PID1: variants seen among roughly 807,000 people sequenced by gnomAD.
PID1 encodes PTB-containing, cubilin and LRP1-interacting protein.
In PID1, 10 loss-of-function variants were observed where a neutral mutation model predicts 19.1. That is an observed-to-expected ratio of 0.52 (90% confidence interval 0.32 to 0.89). The LOEUF is 0.89. PID1 is among the 40% of genes least tolerant of loss of function. The pLI is 0.03. For missense variants in PID1, 248 were observed against 285.3 expected, an observed-to-expected ratio of 0.87 and a Z score of 0.94; for synonymous variants, 130 against 116.0, an observed-to-expected ratio of 1.12 and a Z score of -0.78.
chr2:229,266,052 T>C (rs1574770517), intron 1 of PID1, among the ~76,000 whole-genome samples: 1 of 152,214 alleles, frequency 6.6e-6, no homozygotes, highest in Non-Finnish European at 1.5e-5. Context: ...TAGCATTTTA[T>C]TCCTGAGGGA....
chr2:229,057,538 T>C (rs31278), intron 2 of PID1, among the ~76,000 whole-genome samples: 127,719 of 151,800 alleles, frequency 0.84, 55,200 homozygotes, highest in East Asian at 0.96. Flanking sequence ...AATAAAGATA[T>C]GCACTGCAAA....
At chr2:229,227,846 C>T (rs556198403) in intron 1 of PID1, 14 of 346,248 alleles carry the variant, frequency 4.0e-5, no homozygotes, top group South Asian at 7.0e-5. Flanking sequence ...AGGGTAACAA[C>T]GATTTATATA....
intron 1 of PID1, among the ~76,000 whole-genome samples, chr2:229,205,014 T>C (rs1691579398): frequency 1.3e-5 from 2 of 152,152 alleles, no homozygotes; most frequent in Non-Finnish European, 1.5e-5. Flanking sequence ...ACTTAGCTAA[T>C]TCTATCCCAA....
At chr2:229,270,970 ACCT>A (rs1249215089) in intron 1 of PID1, 41 bp downstream of exon 1, 1 of 1,482,086 alleles carries the variant, frequency 6.7e-7, no homozygotes, top group Non-Finnish European at 9.0e-7. Flanking sequence ...CTGCCCGGGC[ACCT>A]CCTCCTCCAG....
At chr2:229,059,664 A>G (rs535209833) in intron 2 of PID1, among the ~76,000 whole-genome samples, 13 of 152,210 alleles carry the variant, frequency 8.5e-5, no homozygotes, top group Non-Finnish European at 1.9e-4. Flanking sequence ...TCAGCTAGCA[A>G]GTTTACTGTG....
At chr2:229,250,262 T>C (rs751587304) in intron 1 of PID1, among the ~76,000 whole-genome samples, 5 of 152,242 alleles carry the variant, frequency 3.3e-5, no homozygotes, top group African/African-American at 4.8e-5. Context: ...AATTCCCAAC[T>C]TCTGAGTACT....
chr2:229,238,300 CA>C (rs1023170810), intron 1 of PID1, among the ~76,000 whole-genome samples: 15 of 152,186 alleles, frequency 9.9e-5, no homozygotes, highest in Non-Finnish European at 1.9e-4. Context: ...GAATTGCTCT[CA>C]AAATCATCCA....
At chr2:229,119,245 C>A (rs1244875993) in intron 2 of PID1, among the ~76,000 whole-genome samples, 2 of 152,162 alleles carry the variant, frequency 1.3e-5, no homozygotes, top group Non-Finnish European at 2.9e-5. Flanking sequence ...TTTATTAATA[C>A]CCTGTATTCT....
chr2:229,181,141 C>T (rs1690937683), intron 1 of PID1, among the ~76,000 whole-genome samples: 2 of 152,216 alleles, frequency 1.3e-5, no homozygotes, highest in South Asian at 4.1e-4. Context: ...CCTTCACCCT[C>T]CAGCTAATTC....
chr2:229,250,310 T>A (rs1690116099), intron 1 of PID1, among the ~76,000 whole-genome samples: 1 of 152,202 alleles, frequency 6.6e-6, no homozygotes, highest in Admixed American at 6.5e-5. Flanking sequence ...AGAGTCTTTC[T>A]TTCTTAGGAC....
intron 2 of PID1, among the ~76,000 whole-genome samples, chr2:229,035,038 C>G (rs1476001451): frequency 6.6e-6 from 1 of 152,052 alleles, no homozygotes; most frequent in Non-Finnish European, 1.5e-5. Flanking sequence ...CTTAAGCTAA[C>G]TTCTATAATA....
At chr2:229,077,232 GTTGT>G (rs1338294981) in intron 2 of PID1, among the ~76,000 whole-genome samples, 3 of 152,124 alleles carry the variant, frequency 2.0e-5, no homozygotes, top group Non-Finnish European at 2.9e-5. Flanking sequence ...TTTTGATGGG[GTTGT>G]TTGTTTTTTT....
chr2:229,032,577 A>G (rs1693577808), intron 2 of PID1, among the ~76,000 whole-genome samples: 1 of 152,200 alleles, frequency 6.6e-6, no homozygotes, highest in Admixed American at 6.5e-5. Context: ...TTGAGCCTTC[A>G]CCACCCAGGG....
intron 1 of PID1, among the ~76,000 whole-genome samples, chr2:229,166,835 G>A (rs1249999424): frequency 6.6e-6 from 1 of 151,954 alleles, no homozygotes; most frequent in Non-Finnish European, 1.5e-5. Flanking sequence ...GATGAACGCT[G>A]GGAATAACCT....
chr2:229,064,282 A>G (rs1316718072), intron 2 of PID1, among the ~76,000 whole-genome samples: 1 of 152,140 alleles, frequency 6.6e-6, no homozygotes, highest in Non-Finnish European at 1.5e-5. Context: ...GGAACAAAAG[A>G]AAGTGATGGG....
chr2:229,200,972 C>T (rs1484306371), intron 1 of PID1, among the ~76,000 whole-genome samples: 1 of 151,970 alleles, frequency 6.6e-6, no homozygotes, highest in African/African-American at 2.4e-5. Flanking sequence ...TTGGGTTTTG[C>T]TCTCTTTCTG....
intron 1 of PID1, among the ~76,000 whole-genome samples, chr2:229,227,272 T>C (rs1692098632): frequency 6.6e-6 from 1 of 152,228 alleles, no homozygotes; most frequent in African/African-American, 2.4e-5. Context: ...AATTTTAAAA[T>C]CTGCACTTCA....
intron 2 of PID1, among the ~76,000 whole-genome samples, chr2:229,092,425 A>G (rs1694894859): frequency 6.6e-6 from 1 of 152,210 alleles, no homozygotes; most frequent in Non-Finnish European, 1.5e-5. Context: ...TGCAAAAAGG[A>G]AAACAGTGAT....
chr2:229,129,013 C>T (rs1432768643), intron 2 of PID1, among the ~76,000 whole-genome samples: 1 of 152,110 alleles, frequency 6.6e-6, no homozygotes, highest in East Asian at 1.9e-4. Flanking sequence ...CATACATATA[C>T]ACACCTATTA....
Sources: gnomAD v4.1 joint callset for allele counts (sites outside exome capture counted in the v4.1 genomes callset) on GRCh38, gnomAD v4.1.1 for gene constraint, MANE v1.5 for transcripts, NCBI Gene and HGNC (gene_info 2026-07-23, HGNC 2026-07-21) for gene names.